Variants in CDH13 observed in about 807,000 individuals in gnomAD.
CDH13 encodes the protein cadherin-13.
A neutral mutation model predicts 63.8 loss-of-function variants in CDH13; 24 were observed. That is an observed-to-expected ratio of 0.38 (90% CI 0.27 to 0.53). The LOEUF is 0.53. CDH13 is among the 20% of genes least tolerant of loss of function. The pLI, the probability that CDH13 is intolerant of heterozygous loss-of-function variation, is 0.85. For missense variants in CDH13, 1,049 were observed against 903.1 expected (o/e 1.16, Z -2.07); for synonymous variants, 503 against 355.3 (o/e 1.42, Z -4.67).
intron 3 of CDH13, among the ~76,000 whole-genome samples, chr16:83,060,826 A>T (rs1460498214): frequency 6.6e-6 from 1 of 152,148 alleles, no homozygotes; most frequent in Non-Finnish European, 1.5e-5. Flanking sequence ...TTCAGCTGGG[A>T]CACTGTTGCC....
At chr16:83,720,965 G>T (rs1258890650) in intron 10 of CDH13, among the ~76,000 whole-genome samples, 2 of 152,230 alleles carry the variant, frequency 1.3e-5, no homozygotes, top group Admixed American at 1.3e-4. Flanking sequence ...CCTCAGGAAC[G>T]AGTCTTCCTG....
chr16:83,426,903 C>CT (rs2071921854), intron 6 of CDH13, among the ~76,000 whole-genome samples: 2 of 73,962 alleles, frequency 2.7e-5, no homozygotes, highest in Non-Finnish European at 2.8e-5. Flanking sequence ...AAATATGTTT[C>CT]TTTCTTTTTT....
intron 7 of CDH13, among the ~76,000 whole-genome samples, chr16:83,520,491 A>G (rs1598210026): frequency 6.6e-6 from 1 of 152,190 alleles, no homozygotes; most frequent in East Asian, 1.9e-4. Context: ...GAGCAAACAC[A>G]GCTTGGGCTG....
intron 3 of CDH13, among the ~76,000 whole-genome samples, chr16:83,084,124 G>T (rs530055726): frequency 1.3e-5 from 2 of 152,174 alleles, no homozygotes; most frequent in African/African-American, 4.8e-5. Flanking sequence ...GGATGTTATA[G>T]GTAGCGCTCT....
intron 5 of CDH13, among the ~76,000 whole-genome samples, chr16:83,271,226 G>T (rs1288119785): frequency 1.3e-5 from 2 of 151,534 alleles, no homozygotes; most frequent in Non-Finnish European, 2.9e-5. Flanking sequence ...ATCACATATT[G>T]TATCCTTTCT....
chr16:83,092,452 C>G (rs1252392145), intron 3 of CDH13, among the ~76,000 whole-genome samples: 1 of 152,212 alleles, frequency 6.6e-6, no homozygotes, highest in East Asian at 1.9e-4. Flanking sequence ...GCCATCCTCA[C>G]CTTCATCTGG....
intron 2 of CDH13, among the ~76,000 whole-genome samples, chr16:82,982,739 C>A (rs553406037): frequency 6.6e-6 from 1 of 152,174 alleles, no homozygotes; most frequent in Non-Finnish European, 1.5e-5. Flanking sequence ...TACAAGTAAA[C>A]GCATCACAAT....
intron 6 of CDH13, among the ~76,000 whole-genome samples, chr16:83,367,567 G>A (rs550082513): frequency 6.6e-6 from 1 of 152,286 alleles, no homozygotes; most frequent in East Asian, 1.9e-4. Flanking sequence ...GGAGAAACTG[G>A]CAGACTGTGT....
rs147467778 is a variant in CDH13 at position 82,901,680 on chromosome 16, A to G, written c.157+43207A>G. Among the ~76,000 whole-genome samples, 4 of 152,336 alleles carry G rather than the reference A, an allele frequency of 2.6e-5. No homozygotes were observed. In the East Asian group the frequency reaches 7.7e-4, roughly 29 times the overall value. On this transcript the variant is annotated intron_variant, in intron 2 of 13. Coordinates refer to ENST00000567109, the MANE Select transcript of CDH13 (RefSeq NM_001257.5). ...ATTGGATTAAATGGATTAATAACTG[A>G]TAAACACTTACAGGGCTGCGGCATG... is the stretch of plus-strand genomic sequence containing the variant.
intron 7 of CDH13, among the ~76,000 whole-genome samples, chr16:83,541,112 G>C (rs1386145351): frequency 6.6e-6 from 1 of 152,018 alleles, no homozygotes; most frequent in Admixed American, 6.6e-5. Context: ...CAGACTCTCA[G>C]CCCAGCTGCC....
chr16:83,129,366 G>C (rs1027410885), intron 4 of CDH13, among the ~76,000 whole-genome samples: 1 of 152,212 alleles, frequency 6.6e-6, no homozygotes, highest in African/African-American at 2.4e-5. Context: ...GCTTCCCCTA[G>C]AAGTGGACCG....
intron 2 of CDH13, chr16:82,884,126 T>A (rs546774649): frequency 2.2e-6 from 1 of 451,918 alleles, no homozygotes; most frequent in Non-Finnish European, 4.4e-6. Context: ...GTTGATTGAA[T>A]GCATGTCTGC....
intron 6 of CDH13, among the ~76,000 whole-genome samples, chr16:83,372,291 C>G (rs1038032861): frequency 1.3e-5 from 2 of 152,274 alleles, no homozygotes; most frequent in African/African-American, 4.8e-5. Flanking sequence ...TTCCAGAAGT[C>G]TGATTTCAAA....
In CDH13 at chr16:82,635,151, G is replaced by A. The variant is rs1597174580; in HGVS notation, c.45+8014G>A. Among the ~76,000 whole-genome samples, 3 of 152,236 alleles carry A rather than the reference G, an allele frequency of 2.0e-5. No individual in the cohort carries two copies. The South Asian group carries it at 6.2e-4, about 31-fold the overall frequency. ...TATAAGCTCTGTTGTGGTCCACATT[G>A]TGGCTTGATTTGTTCATTTCTATAC... On this transcript the variant is annotated intron_variant, in intron 1 of 13. Transcript: ENST00000567109.
At chr16:83,421,415 C>G (rs990058900) in intron 6 of CDH13, among the ~76,000 whole-genome samples, 3 of 152,180 alleles carry the variant, frequency 2.0e-5, no homozygotes, top group African/African-American at 7.2e-5. Context: ...TATTATGAAT[C>G]TTAGCTCTCT....
At chr16:82,907,619 G>A (rs2041692996) in intron 2 of CDH13, among the ~76,000 whole-genome samples, 1 of 152,138 alleles carries the variant, frequency 6.6e-6, no homozygotes, top group African/African-American at 2.4e-5. Context: ...GAAAATTCAT[G>A]GTGAGGCCAA....
intron 3 of CDH13, among the ~76,000 whole-genome samples, chr16:83,080,466 T>G (rs2033153281): frequency 6.6e-6 from 1 of 152,196 alleles, no homozygotes; most frequent in African/African-American, 2.4e-5. Context: ...TGCCTGACCT[T>G]CTTGGGAGCC....
Position 82,644,056 on chromosome 16 carries a change from G to A in CDH13, c.45+16919G>A, listed in dbSNP as rs1291208321. On this transcript the variant is annotated intron_variant, in intron 1 of 13. Transcript: ENST00000567109. The surrounding 1 kb of genome is among the most constrained non-coding windows in gnomAD (Gnocchi z 5.7). The stretch of plus-strand genomic sequence containing the variant: ...AAAAGTAGTAAGTGGTTTAGGATGG[G>A]GGGTGGTATGGAGGTCGGGTGGGGA... Among the ~76,000 whole-genome samples the A allele has an allele frequency of 8.5e-5, 13 of 152,160 alleles. No individual in the cohort carries two copies. Among genetic ancestry groups the A allele is most frequent in the Non-Finnish European group, 1.9e-4 (13 of 68,030 alleles).
chr16:83,188,516 G>T (rs960341714), intron 4 of CDH13, among the ~76,000 whole-genome samples: 3 of 152,088 alleles, frequency 2.0e-5, no homozygotes, highest in Admixed American at 1.3e-4. Flanking sequence ...TCTCCCAGAG[G>T]GGGGAAACTG....
Sources: allele counts gnomAD v4.1 joint callset (sites outside exome capture counted in the v4.1 genomes callset), GRCh38; gene constraint gnomAD v4.1.1; non-coding constraint Gnocchi (gnomAD v3.1); transcripts MANE v1.5; gene names NCBI Gene and HGNC (gene_info 2026-07-23, HGNC 2026-07-21).